The following KCNK1 variants were observed in gnomAD, a reference collection of about 807,000 sequenced individuals.
KCNK1 encodes the protein potassium channel subfamily K member 1.
Under a neutral mutation model 22.2 loss-of-function variants are expected in KCNK1, and 10 were observed. That is an observed-to-expected ratio of 0.45 (90% CI 0.28 to 0.76). The LOEUF is 0.76. Ranked by LOEUF, KCNK1 falls within the 30% of genes least tolerant of loss-of-function variation. The pLI is 0.14. For synonymous variants in KCNK1, 200 were observed against 186.4 expected, an observed-to-expected ratio of 1.07 and a Z score of -0.60; for missense variants, 378 against 421.0, an observed-to-expected ratio of 0.90 and a Z score of 0.89.
At chr1:233,643,104 T>C (rs1658032237) in intron 1 of KCNK1, among the ~76,000 whole-genome samples, 1 of 151,664 alleles carries the variant, frequency 6.6e-6, no homozygotes, top group Non-Finnish European at 1.5e-5. Context: ...TTAATGTCAG[T>C]GATGAGGAAG....
At chr1:233,632,834 C>T (rs576807768) in intron 1 of KCNK1, among the ~76,000 whole-genome samples, 2 of 152,274 alleles carry the variant, frequency 1.3e-5, no homozygotes, top group South Asian at 4.2e-4. Context: ...TCTCCCTCAT[C>T]AGGTTCATTA....
rs111804649 is a variant in KCNK1, at chr1:233,631,287, G to A, written c.355+16761G>A. ...TTTCTGACAACATCAAGATATGAAA[G>A]GTTGTCACTCACTGAACCCCTAATG... On this transcript the variant is annotated intron_variant, in intron 1 of 2. Coordinates refer to ENST00000366621, the MANE Select transcript of KCNK1 (RefSeq NM_002245.4). 9.4e-6 allele frequency: 5 copies of A among 531,628 alleles called. No homozygotes were observed. In the East Asian group the frequency reaches 1.6e-4, roughly 17 times the overall value. The allele number at this position is 531,628 out of a possible 1,614,324, so 32.9% of individuals were successfully genotyped here. A position where few individuals can be genotyped will look rare whatever the true frequency, so the allele number is the denominator to read the frequency against.
intron 1 of KCNK1, among the ~76,000 whole-genome samples, chr1:233,643,733 C>T (rs773848805): frequency 5.7e-4 from 86 of 152,162 alleles, no homozygotes; most frequent in African/African-American, 1.6e-3. Flanking sequence ...CTTATACCAC[C>T]GCTGGCAGCA....
At chr1:233,661,245 C>T (rs1256166256) in intron 1 of KCNK1, among the ~76,000 whole-genome samples, 1 of 152,142 alleles carries the variant, frequency 6.6e-6, no homozygotes, top group Non-Finnish European at 1.5e-5. Context: ...GTGGAAACTT[C>T]ATTGCAAAAA....
At chr1:233,622,302 G>C (rs1194584177) in intron 1 of KCNK1, among the ~76,000 whole-genome samples, 1 of 152,226 alleles carries the variant, frequency 6.6e-6, no homozygotes, top group African/African-American at 2.4e-5. Flanking sequence ...GACATACTCA[G>C]AGTTGCACCT....
intron 1 of KCNK1, among the ~76,000 whole-genome samples, chr1:233,640,050 G>A (rs1470044657): frequency 6.6e-6 from 1 of 152,246 alleles, no homozygotes; most frequent in Non-Finnish European, 1.5e-5. Flanking sequence ...CATCCGAAGA[G>A]AGGTCTGAGG....
At position 233,621,745 on chromosome 1, in the gene KCNK1, T is replaced by C. The variant is rs117715152; in HGVS notation, c.355+7219T>C. Among the ~76,000 whole-genome samples the C allele has an allele frequency of 5.2e-3, 798 of 152,264 alleles. 33 individuals are homozygous for C. In the East Asian group the frequency reaches 0.1, roughly 20 times the overall value. ...AAGGTTTGGGGTTTTTTTTTAACTATAAATTTGTTATTATCTATGCCTATT... is the reference window on the plus strand; with the variant it reads ...AAGGTTTGGGGTTTTTTTTTAACTACAAATTTGTTATTATCTATGCCTATT... On this transcript the variant is annotated intron_variant, in intron 1 of 2. Transcript: ENST00000366621.
chr1:233,655,177 G>T (rs1658268318), intron 1 of KCNK1, among the ~76,000 whole-genome samples: 1 of 152,144 alleles, frequency 6.6e-6, no homozygotes, highest in African/African-American at 2.4e-5. Context: ...CAAAATTTTG[G>T]ACTTTGCTAG....
rs1328437622 is a variant in KCNK1, at chr1:233,614,142, G to A, written c.-30G>A. 2.6e-6 allele frequency: 4 copies of A among 1,514,786 alleles called. No homozygotes were observed. Among genetic ancestry groups the A allele is most frequent in the East Asian group, 2.4e-5 (1 of 40,916 alleles). The allele number at this position is 1,514,786 out of a possible 1,614,324, so 93.8% of individuals were successfully genotyped here. ...CGGGCCGCGCTCCGGCCGGTCTGCG[G>A]CGTTGGCCTTGGCGGCGGCGGTGGA... On this transcript the variant is annotated 5_prime_UTR_variant, in exon 1 of 3. Coordinates refer to ENST00000366621, the MANE Select transcript of KCNK1 (RefSeq NM_002245.4).
intron 1 of KCNK1, among the ~76,000 whole-genome samples, chr1:233,633,602 A>G (rs1393727179): frequency 6.6e-6 from 1 of 152,180 alleles, no homozygotes; most frequent in Non-Finnish European, 1.5e-5. Flanking sequence ...TAAAATCTTG[A>G]TTAATGCCCT....
intron 1 of KCNK1, among the ~76,000 whole-genome samples, chr1:233,639,700 A>G (rs1246802340): frequency 6.6e-6 from 1 of 152,236 alleles, no homozygotes; most frequent in African/African-American, 2.4e-5. Flanking sequence ...AACAACAAAG[A>G]AAACCACACA....
chr1:233,646,367 A>T (rs115596001), intron 1 of KCNK1, among the ~76,000 whole-genome samples: 1 of 152,182 alleles, frequency 6.6e-6, no homozygotes, highest in Admixed American at 6.5e-5. Flanking sequence ...AGGGGCAGCC[A>T]GGGTGGAAAA....
chr1:233,636,964 T>A (rs12139978), intron 1 of KCNK1, among the ~76,000 whole-genome samples: 74,669 of 151,682 alleles, frequency 0.49, 19,028 homozygotes, highest in African/African-American at 0.6. Flanking sequence ...TGGGAGGCCA[T>A]GGCGGGAGGA....
chr1:233,638,605 C>T (rs567691878), intron 1 of KCNK1, among the ~76,000 whole-genome samples: 14 of 152,234 alleles, frequency 9.2e-5, no homozygotes, highest in Admixed American at 2.6e-4. Context: ...GCCACGGTGA[C>T]GCCAGCCTCA....
chr1:233,644,388 G>C (rs1658053922), intron 1 of KCNK1, among the ~76,000 whole-genome samples: 1 of 152,160 alleles, frequency 6.6e-6, no homozygotes, highest in African/African-American at 2.4e-5. Flanking sequence ...ACATACTTCT[G>C]ACTAAGCAGC....
At chr1:233,623,449 A>G (rs896983261) in intron 1 of KCNK1, among the ~76,000 whole-genome samples, 1 of 152,256 alleles carries the variant, frequency 6.6e-6, no homozygotes, top group African/African-American at 2.4e-5. Flanking sequence ...CCCAACACAA[A>G]GAAATGATAA....
rs965695842 is a variant in KCNK1, at chr1:233,622,834, A to C, written c.355+8308A>C. On this transcript the variant is annotated intron_variant, in intron 1 of 2. Coordinates refer to ENST00000366621, the MANE Select transcript of KCNK1 (RefSeq NM_002245.4). ...GATGAGATTAATTTGCTTAGGTTAG[A>C]CATGGGAGTGTTTTTAATTTGCTAC... Among the ~76,000 whole-genome samples the C allele has an allele frequency of 2.0e-5, 3 of 152,298 alleles. No individual in the cohort carries two copies. The South Asian group carries it at 6.2e-4, about 32-fold the overall frequency.
chr1:233,644,807 G>A (rs1214710584), intron 1 of KCNK1, among the ~76,000 whole-genome samples: 1 of 152,144 alleles, frequency 6.6e-6, no homozygotes, highest in African/African-American at 2.4e-5. Context: ...GTTGTCGGGG[G>A]CCAGATCTTG....
chr1:233,646,284 C>T (rs534638447), intron 1 of KCNK1, among the ~76,000 whole-genome samples: 2 of 152,174 alleles, frequency 1.3e-5, no homozygotes, highest in South Asian at 4.2e-4. Context: ...AAAAAGATAC[C>T]CATACTTGTG....
Sources: gnomAD v4.1 joint callset for allele counts (sites outside exome capture counted in the v4.1 genomes callset) on GRCh38, gnomAD v4.1.1 for gene constraint, MANE v1.5 for transcripts, NCBI Gene and HGNC (gene_info 2026-07-23, HGNC 2026-07-21) for gene names.